SERPINI2: variants seen among roughly 807,000 people sequenced by gnomAD.
SERPINI2 encodes serpin family I member 2, also known as serpin I2.
SERPINI2 carries 48 observed loss-of-function variants against 47.3 expected under a neutral mutation model. That is an observed-to-expected ratio of 1.02 (90% CI 0.81 to 1.29). The LOEUF (loss-of-function observed/expected upper bound fraction) is 1.29, where lower values mean the gene tolerates loss of function less well. SERPINI2 is among the 50% of genes most tolerant of loss of function. The probability of loss-of-function intolerance (pLI) is 0.00; values close to 1 mark genes in which losing one functional copy is unlikely to be tolerated. For missense variants in SERPINI2, 448 were observed against 456.9 expected, an observed-to-expected ratio of 0.98 and a Z score of 0.18; for synonymous variants, 135 against 149.3, an observed-to-expected ratio of 0.90 and a Z score of 0.70.
At chr3:167,476,351 G>GT (rs1369106859), upstream of SERPINI2, among the ~76,000 whole-genome samples, 1 of 151,822 alleles carries the variant, frequency 6.6e-6, no homozygotes, top group Non-Finnish European at 1.5e-5. Context: ...TTCTTTTTGT[G>GT]TTTTTTCTCC....
chr3:167,476,258 A>T (rs925995037), upstream of SERPINI2, among the ~76,000 whole-genome samples: 7 of 152,022 alleles, frequency 4.6e-5, no homozygotes, highest in Admixed American at 3.9e-4. Context: ...GACAGGTGAG[A>T]TCCTGCTACC....
chr3:167,456,045 G>A (rs1186554279), intron 5 of SERPINI2, among the ~76,000 whole-genome samples: 2 of 151,944 alleles, frequency 1.3e-5, no homozygotes, highest in Non-Finnish European at 2.9e-5. Flanking sequence ...CCAAATCTTA[G>A]GGTTGCTCAT....
At chr3:167,466,361 G>A (rs1273866893) in intron 3 of SERPINI2, among the ~76,000 whole-genome samples, 1 of 152,092 alleles carries the variant, frequency 6.6e-6, no homozygotes, top group Non-Finnish European at 1.5e-5. Context: ...ATTTTTCATA[G>A]CTGATTAAAT....
At chr3:167,475,939 G>A (rs1577182067), upstream of SERPINI2, among the ~76,000 whole-genome samples, 1 of 151,802 alleles carries the variant, frequency 6.6e-6, no homozygotes, top group East Asian at 1.9e-4. Context: ...ATAAGCAAAT[G>A]CCCTCATCAG....
chr3:167,473,671 A>G, intron 1 of SERPINI2: 3 of 739,584 alleles, frequency 4.1e-6, no homozygotes, highest in Non-Finnish European at 6.1e-6. Context: ...CATTTTTTCT[A>G]GAAAATTTCT....
chr3:167,455,427 T>G (rs932205895), intron 5 of SERPINI2, among the ~76,000 whole-genome samples: 1 of 152,098 alleles, frequency 6.6e-6, no homozygotes, highest in African/African-American at 2.4e-5. Flanking sequence ...GTATTGGCCC[T>G]TCCTTTCCCC....
At chr3:167,462,193 T>C (rs1170081691) in intron 5 of SERPINI2, among the ~76,000 whole-genome samples, 1 of 152,220 alleles carries the variant, frequency 6.6e-6, no homozygotes, top group African/African-American at 2.4e-5. Flanking sequence ...CTTGCTATGT[T>C]GTAAGTCCCT....
Position 167,442,198 on chromosome 3 carries a change from A to T in SERPINI2, c.1142-13T>A, listed in dbSNP as rs199784960. On this transcript the variant is annotated splice_polypyrimidine_tract_variant and intron_variant, in intron 8 of 8. Coordinates refer to ENST00000264677, the Ensembl canonical transcript of SERPINI2. ...AACAGAATTGATTCTAGGGAAAAAA[A>T]AACAAAAAAATATACTTTAGGAATT... is the stretch of plus-strand genomic sequence containing the variant. 3 of 1,561,096 alleles carry T rather than the reference A, an allele frequency of 1.9e-6. No homozygotes were observed. Among genetic ancestry groups the T allele is most frequent in the East Asian group, 2.3e-5 (1 of 43,664 alleles).
intron 5 of SERPINI2, among the ~76,000 whole-genome samples, chr3:167,454,386 T>C (rs1749730465): frequency 6.6e-6 from 1 of 152,194 alleles, no homozygotes; most frequent in African/African-American, 2.4e-5. Flanking sequence ...TAAAATCAGC[T>C]GATAAAGAAA....
chr3:167,475,783 G>A (rs974008059), upstream of SERPINI2, among the ~76,000 whole-genome samples: 2 of 151,070 alleles, frequency 1.3e-5, no homozygotes, highest in Non-Finnish European at 3.0e-5. Flanking sequence ...AAGGTTGATC[G>A]CCATTACTGT....
intron 2 of SERPINI2, among the ~76,000 whole-genome samples, chr3:167,468,345 A>G (rs1750206072): frequency 6.7e-6 from 1 of 148,404 alleles, no homozygotes. Flanking sequence ...GTGTAAATAC[A>G]TTTTTTTTTT....
chr3:167,464,009 C>CTTTTGTTTTTTTT (rs1750060233), intron 5 of SERPINI2, among the ~76,000 whole-genome samples: 1 of 93,262 alleles, frequency 1.1e-5, no homozygotes, highest in Non-Finnish European at 2.1e-5. Flanking sequence ...ACAGGAGTGG[C>CTTTTGTTTTTTTT]TTTTTTTTTT....
exon 3 of SERPINI2, chr3:167,467,078 G>A: frequency 6.2e-7 from 1 of 1,610,308 alleles, no homozygotes; most frequent in East Asian, 2.2e-5. Context: ...TTCTACCCAG[G>A]TACTTATCAT....
chr3:167,449,061 T>C (rs144872676), intron 7 of SERPINI2, among the ~76,000 whole-genome samples: 222 of 152,312 alleles, frequency 1.5e-3, no homozygotes, highest in South Asian at 8.3e-3. Flanking sequence ...TCACAGGTAA[T>C]CCAATTCGCA....
chr3:167,453,093 AT>A, intron 5 of SERPINI2, 60 bp from the exon 6 acceptor site: 1 of 855,736 alleles, frequency 1.2e-6, no homozygotes, highest in Non-Finnish European at 1.9e-6. Context: ...TTTGCTACCA[AT>A]TTTTTAATGG....
chr3:167,471,545 C>A, intron 2 of SERPINI2, 43 bp downstream of exon 2: 1 of 1,572,186 alleles, frequency 6.4e-7, no homozygotes, highest in South Asian at 1.2e-5. Context: ...ATGAATGCGT[C>A]CATATCTTAT....
At chr3:167,460,735 A>G (rs1339845128) in intron 5 of SERPINI2, among the ~76,000 whole-genome samples, 3 of 152,204 alleles carry the variant, frequency 2.0e-5, no homozygotes, top group Non-Finnish European at 2.9e-5. Context: ...CAGGGTCCTC[A>G]AAGAGAATAA....
chr3:167,471,684 C>G, exon 2 of SERPINI2: 1 of 1,613,418 alleles, frequency 6.2e-7, no homozygotes, highest in African/African-American at 1.3e-5. Context: ...AAAGTTATTC[C>G]AAGGGGTGAA....
chr3:167,470,550 C>CTTTTTTTTTTTTTTTTTTTTTTTT (rs536884425), intron 2 of SERPINI2, among the ~76,000 whole-genome samples: 1 of 93,048 alleles, frequency 1.1e-5, no homozygotes, highest in African/African-American at 5.7e-5. Context: ...TGAGCAACAA[C>CTTTTTTTTTTTTTTTTTTTTTTTT]TTTTTTTTTT....
Sources: gnomAD v4.1 joint callset for allele counts (sites outside exome capture counted in the v4.1 genomes callset) on GRCh38, gnomAD v4.1.1 for gene constraint, MANE v1.5 for transcripts, NCBI Gene and HGNC (gene_info 2026-07-23, HGNC 2026-07-21) for gene names.